The following NIPSNAP3B variants were observed in gnomAD, a reference collection of about 807,000 sequenced individuals.
NIPSNAP3B encodes protein NipSnap homolog 3B.
NIPSNAP3B carries 30 observed loss-of-function variants against 31.5 expected under a neutral mutation model. The ratio of observed to expected loss-of-function variants is 0.95; its 90% CI spans 0.71 to 1.29. NIPSNAP3B has a LOEUF of 1.29. Ranked by LOEUF, NIPSNAP3B falls within the 50% of genes most tolerant of loss-of-function variation. NIPSNAP3B has a pLI of 0.00. For missense variants in NIPSNAP3B, 269 were observed against 300.7 expected (o/e 0.89, Z 0.78); for synonymous variants, 106 against 107.9 (o/e 0.98, Z 0.11).
At chr9:104,785,971 G>A in the NIPSNAP3B span, among the ~76,000 whole-genome samples, 12 of 152,310 alleles carry the variant, frequency 7.9e-5, no homozygotes, top group East Asian at 2.3e-3. Flanking sequence ...AAACCCATTT[G>A]TGTTTGACTC....
At chr9:104,778,528 A>G (rs10820731), downstream of NIPSNAP3B, among the ~76,000 whole-genome samples, 44,879 of 152,042 alleles carry the variant, frequency 0.3, 6,877 homozygotes, top group East Asian at 0.53. Flanking sequence ...CGCCCAGCCA[A>G]CTTGCACACA....
chr9:104,770,818 T>C (rs1363755271), intron 3 of NIPSNAP3B, 31 bp from the exon 4 acceptor site: 1 of 1,603,106 alleles, frequency 6.2e-7, no homozygotes, highest in Non-Finnish European at 8.5e-7. Context: ...GAATGTCTTC[T>C]GTGAAATAAT....
the NIPSNAP3B span, among the ~76,000 whole-genome samples, chr9:104,789,099 G>A: frequency 6.6e-6 from 1 of 152,174 alleles, no homozygotes; most frequent in African/African-American, 2.4e-5. Flanking sequence ...CCAGACTGAT[G>A]ACTGCACCTC....
chr9:104,786,605 A>C, the NIPSNAP3B span, among the ~76,000 whole-genome samples: 1,276 of 152,372 alleles, frequency 8.4e-3, 22 homozygotes, highest in African/African-American at 0.028. Context: ...ATAGTTAAAT[A>C]AGAGTATATC....
chr9:104,766,072 G>A (rs1186988067), intron 1 of NIPSNAP3B, among the ~76,000 whole-genome samples: 1 of 152,204 alleles, frequency 6.6e-6, no homozygotes, highest in African/African-American at 2.4e-5. Flanking sequence ...GCCTTCTTGT[G>A]AGCAAATTCT....
At chr9:104,772,276 C>T (rs1232754539) in intron 4 of NIPSNAP3B, among the ~76,000 whole-genome samples, 2 of 140,842 alleles carry the variant, frequency 1.4e-5, no homozygotes, top group Admixed American at 1.5e-4. Context: ...TTGTTTTTAT[C>T]ATGATTGTTT....
chr9:104,778,361 GC>G (rs1381109294), downstream of NIPSNAP3B, among the ~76,000 whole-genome samples: 1 of 152,050 alleles, frequency 6.6e-6, no homozygotes, highest in African/African-American at 2.4e-5. Context: ...CTCCCAAGTA[GC>G]TTGGATTACA....
chr9:104,769,577 A>C (rs1211876492), intron 3 of NIPSNAP3B, among the ~76,000 whole-genome samples: 1 of 152,138 alleles, frequency 6.6e-6, no homozygotes, highest in Admixed American at 6.5e-5. Context: ...CCATATTGAA[A>C]TCTAACGGAT....
the NIPSNAP3B span, chr9:104,788,134 T>A: frequency 6.9e-7 from 1 of 1,448,458 alleles, no homozygotes; most frequent in Non-Finnish European, 9.7e-7. Context: ...TGTATGAAAG[T>A]TCTTTCACTG....
At chr9:104,766,729 T>G (rs1372672879) in intron 2 of NIPSNAP3B, among the ~76,000 whole-genome samples, 194 bp downstream of exon 2, 3 of 152,140 alleles carry the variant, frequency 2.0e-5, no homozygotes, top group Non-Finnish European at 2.9e-5. Flanking sequence ...TTGCTTGAAC[T>G]CTTATGTTAT....
At chr9:104,767,089 C>A (rs1304025776) in intron 2 of NIPSNAP3B, among the ~76,000 whole-genome samples, 4 of 151,758 alleles carry the variant, frequency 2.6e-5, no homozygotes, top group Non-Finnish European at 5.9e-5. Flanking sequence ...ATTATTGTTA[C>A]AGCTAGGGCT....
At chr9:104,786,223 C>A in the NIPSNAP3B span, 1 of 1,223,622 alleles carries the variant, frequency 8.2e-7, no homozygotes, top group African/African-American at 1.5e-5. Flanking sequence ...TTAGAGGCAC[C>A]ATTTATATAC....
chr9:104,765,030 T>C (rs1232262069), intron 1 of NIPSNAP3B, among the ~76,000 whole-genome samples: 1 of 152,224 alleles, frequency 6.6e-6, no homozygotes, highest in Non-Finnish European at 1.5e-5. Context: ...CTGTAGATAC[T>C]AAGCAGTTTT....
At chr9:104,781,886 T>G (rs1294145313), downstream of NIPSNAP3B, 2 of 152,254 alleles carry the variant, frequency 1.3e-5, no homozygotes, top group Non-Finnish European at 2.9e-5. Flanking sequence ...ACAATTAGGT[T>G]TACACAGGAA....
the NIPSNAP3B span, chr9:104,785,331 G>C: frequency 1.9e-6 from 3 of 1,601,620 alleles, no homozygotes. Context: ...GGACCTATGG[G>C]CGGGAGTGTC....
chr9:104,770,353 A>G (rs1828188151), intron 3 of NIPSNAP3B, among the ~76,000 whole-genome samples: 1 of 152,174 alleles, frequency 6.6e-6, no homozygotes, highest in Admixed American at 6.5e-5. Context: ...AGGCTCAGAC[A>G]TGACTTTGGG....
downstream of NIPSNAP3B, among the ~76,000 whole-genome samples, chr9:104,778,004 A>G (rs888552976): frequency 6.6e-6 from 1 of 152,200 alleles, no homozygotes; most frequent in African/African-American, 2.4e-5. Context: ...AATGTTGGAC[A>G]TAATTGACAA....
rs1259312355 is a variant in NIPSNAP3B, at chr9:104,768,860, T to C, written c.272-3T>C. ...CATTTTCTTAACTATTTTCCTCCCA[T>C]AGATAATTTTGCTCATCGAGCTGAA... On this transcript the variant is annotated splice_polypyrimidine_tract_variant and splice_region_variant and intron_variant, in intron 2 of 5. Transcript: ENST00000374762. The C allele has an allele frequency of 1.3e-6, 2 of 1,597,074 alleles. No individual in the cohort carries two copies. Among genetic ancestry groups the C allele is most frequent in the South Asian group, 1.1e-5 (1 of 88,642 alleles).
chr9:104,772,506 T>C (rs2472474), intron 4 of NIPSNAP3B, among the ~76,000 whole-genome samples: 94,160 of 151,844 alleles, frequency 0.62, 29,703 homozygotes, highest in Admixed American at 0.7. Context: ...CTAAATTTTC[T>C]ACAGTAAACA....
Sources: allele counts gnomAD v4.1 joint callset (sites outside exome capture counted in the v4.1 genomes callset), GRCh38; gene constraint gnomAD v4.1.1; transcripts MANE v1.5; gene names NCBI Gene and HGNC (gene_info 2026-07-23, HGNC 2026-07-21).